NFATC1: variants seen among roughly 807,000 people sequenced by gnomAD.
NFATC1 encodes the protein nuclear factor of activated T cells 1.
A neutral mutation model predicts 76.0 loss-of-function variants in NFATC1; 22 were observed. The ratio of observed to expected loss-of-function variants is 0.29; its 90% confidence interval spans 0.21 to 0.41. NFATC1 has a LOEUF of 0.41. NFATC1 is among the 10% of genes least tolerant of loss of function. The pLI, the probability that NFATC1 is intolerant of heterozygous loss-of-function variation, is 1.00. For missense variants in NFATC1, 1,357 were observed against 1,337.7 expected, an observed-to-expected ratio of 1.01 and a Z score of -0.23; for synonymous variants, 704 against 613.1, an observed-to-expected ratio of 1.15 and a Z score of -2.19.
rs549019780 is a variant in NFATC1 at position 79,413,950 on chromosome 18, A to G, written c.1226+2449A>G. On this transcript the variant is annotated intron_variant, in intron 2 of 9. Transcript: ENST00000427363. Reference sequence around the variant, plus strand: ...CCCAGTTAGGTGTGATGCCTGTAACATTTCTGAGTGTTCACACAAACAAAG... The same window carrying G: ...CCCAGTTAGGTGTGATGCCTGTAACGTTTCTGAGTGTTCACACAAACAAAG... Among the ~76,000 whole-genome samples the G allele has an allele frequency of 8.5e-5, 13 of 152,288 alleles. 1 individual carries two copies. In the East Asian group the frequency reaches 2.5e-3, roughly 29 times the overall value.
At chr18:79,493,894 G>C (rs1037059399) in intron 9 of NFATC1, 1 of 152,242 alleles carries the variant, frequency 6.6e-6, no homozygotes, top group Non-Finnish European at 1.5e-5. Flanking sequence ...CACGCCACCC[G>C]GAGACGGAGC....
rs192876726 is a variant in NFATC1, at chr18:79,470,092, G to A, written c.2092+2510G>A. The A allele has an allele frequency of 7.7e-5, 62 of 802,636 alleles. No homozygotes were observed. The East Asian group carries it at 6.3e-3, about 82-fold the overall frequency. 49.7% of individuals were successfully genotyped at this position (802,636 alleles called of 1,614,324 possible). ...AACCCCGGCTGGGTCTGAGGACGCC[G>A]AGGCCGCTCCAGGACCTGCGTCCTC... On this transcript the variant is annotated intron_variant, in intron 8 of 9. Coordinates refer to ENST00000427363, the MANE Select transcript of NFATC1 (RefSeq NM_001278669.2).
At chr18:79,441,100 A>G (rs1417449611) in intron 3 of NFATC1, among the ~76,000 whole-genome samples, 5 of 152,218 alleles carry the variant, frequency 3.3e-5, no homozygotes, top group African/African-American at 1.2e-4. Flanking sequence ...ACGCACCATC[A>G]TACACACTTG....
chr18:79,511,891 G>A (rs1218676850), intron 9 of NFATC1, among the ~76,000 whole-genome samples: 2 of 152,092 alleles, frequency 1.3e-5, no homozygotes, highest in Non-Finnish European at 2.9e-5. Flanking sequence ...GGGCTTCTGG[G>A]GGAGGCCAGG....
intron 1 of NFATC1, among the ~76,000 whole-genome samples, chr18:79,407,671 C>T (rs893227060): frequency 6.6e-6 from 1 of 152,336 alleles, no homozygotes; most frequent in Middle Eastern, 3.4e-3. Context: ...TCTTGAACTT[C>T]TGACCTCAGA....
chr18:79,449,636 A>G (rs543050305), intron 4 of NFATC1, among the ~76,000 whole-genome samples: 14 of 152,262 alleles, frequency 9.2e-5, no homozygotes, highest in African/African-American at 3.1e-4. Context: ...TTGAGCTGGG[A>G]CGGCTGGAAC....
chr18:79,396,131 G>C lies in NFATC1; in HGVS notation c.-94G>C. The C allele has an allele frequency of 7.9e-7, 1 of 1,264,916 alleles. No individual in the cohort carries two copies. Among genetic ancestry groups the C allele is most frequent in the South Asian group, 1.9e-5 (1 of 51,678 alleles). 78.4% of individuals were successfully genotyped at this position (1,264,916 alleles called of 1,614,324 possible). A position where few individuals can be genotyped will look rare whatever the true frequency, so the allele number is the denominator to read the frequency against. On this transcript the variant is annotated 5_prime_UTR_variant, in exon 1 of 10. Transcript: ENST00000427363. ...CGCGCGGCGCTGAGCCCGGGGCGAGGGCTGTCTTCCCGGAGACCCGACCCC... is the reference window on the plus strand; with the variant it reads ...CGCGCGGCGCTGAGCCCGGGGCGAGCGCTGTCTTCCCGGAGACCCGACCCC...
At chr18:79,520,136 G>A (rs1213816804) in intron 9 of NFATC1, among the ~76,000 whole-genome samples, 1 of 151,920 alleles carries the variant, frequency 6.6e-6, no homozygotes, top group Non-Finnish European at 1.5e-5. Context: ...TCTGCAGGGG[G>A]AAACTTGACG....
intron 2 of NFATC1, among the ~76,000 whole-genome samples, chr18:79,432,275 G>A (rs1301472285): frequency 7.0e-6 from 1 of 142,864 alleles, no homozygotes; most frequent in Non-Finnish European, 1.5e-5. Context: ...CACAGGCCCT[G>A]TGTGGAGGGT....
chr18:79,418,395 C>T (rs2085951508), intron 2 of NFATC1, among the ~76,000 whole-genome samples: 1 of 152,210 alleles, frequency 6.6e-6, no homozygotes, highest in South Asian at 2.1e-4. Flanking sequence ...CTCCAGACTC[C>T]ACCGGTGCTG....
chr18:79,461,207 C>T (rs2304738), intron 6 of NFATC1, 104 bp from the exon 7 acceptor site: 32 of 1,349,154 alleles, frequency 2.4e-5, no homozygotes, highest in Admixed American at 3.6e-5. Context: ...TGGGACAAGG[C>T]GCCCTCCTGG....
intron 2 of NFATC1, chr18:79,422,356 C>T (rs954647501): frequency 4.6e-5 from 7 of 152,248 alleles, no homozygotes; most frequent in African/African-American, 1.7e-4. Flanking sequence ...GACAGATGGG[C>T]CCTGACCCTG....
intron 1 of NFATC1, 76 bp downstream of exon 1, chr18:79,396,427 C>A: frequency 1.0e-6 from 1 of 996,146 alleles, no homozygotes; most frequent in Non-Finnish European, 1.3e-6. Context: ...ACCCCGCCCC[C>A]GTCGCCCGCA....
chr18:79,410,792 C>A lies in NFATC1; in HGVS notation c.517C>A (p.Pro173Thr). ...EAYRDPSCLS[P>T]ASSLSSRSCN... The stretch of plus-strand genomic sequence containing the variant: ...CTACAGAGACCCCTCGTGCCTGAGC[C>A]CGGCCAGCAGCCTGTCCTCCCGGAG... The change falls in exon 2 of 10, where the codon CCG (proline) becomes ACG (threonine). Residue 173 changes from proline to threonine, a missense_variant. Around this residue, in one of 3 missense-constraint regions of NFATC1, gnomAD observed 691 missense variants for 613.1 expected, o/e 1.13. Transcript: ENST00000427363. This position sits in a 1 kb window ranked among gnomAD's most constrained non-coding sequence, Gnocchi z 6.7. The A allele has an allele frequency of 6.2e-7, 1 of 1,612,782 alleles. No homozygotes were observed. The highest frequency in any genetic ancestry group is 8.5e-7 in the Non-Finnish European group (1 of 1,179,892).
At chr18:79,412,237 C>A (rs1245693075) in intron 2 of NFATC1, among the ~76,000 whole-genome samples, 2 of 152,208 alleles carry the variant, frequency 1.3e-5, no homozygotes, top group Non-Finnish European at 2.9e-5. Flanking sequence ...AAACAGCTTT[C>A]CCAGCTGGTG....
At chr18:79,462,267 C>G (rs934252532) in intron 7 of NFATC1, among the ~76,000 whole-genome samples, 2 of 152,170 alleles carry the variant, frequency 1.3e-5, no homozygotes, top group Non-Finnish European at 1.5e-5. Flanking sequence ...TGGGTGGTGT[C>G]TTGGATCCTC....
At chr18:79,411,695 T>C (rs1219854201) in intron 2 of NFATC1, among the ~76,000 whole-genome samples, 194 bp downstream of exon 2, 2 of 152,156 alleles carry the variant, frequency 1.3e-5, no homozygotes, top group Admixed American at 1.3e-4. Flanking sequence ...CATGCAGACT[T>C]TTCCTTGTGC....
chr18:79,398,424 T>G (rs1380280379), intron 1 of NFATC1, among the ~76,000 whole-genome samples: 5 of 152,254 alleles, frequency 3.3e-5, no homozygotes, highest in Admixed American at 3.3e-4. Flanking sequence ...TCTGGGAGGA[T>G]GCGTCCAAGC....
At chr18:79,448,621 C>A (rs754389527) in intron 3 of NFATC1, 161 bp from the exon 4 acceptor site, 24 of 701,900 alleles carry the variant, frequency 3.4e-5, no homozygotes, top group Non-Finnish European at 5.5e-5. Context: ...ATTTTCTAAT[C>A]TGATTTACAA....
Sources: gnomAD v4.1 joint callset for allele counts (sites outside exome capture counted in the v4.1 genomes callset) on GRCh38, gnomAD v4.1.1 for gene constraint, gnomAD v4.1.1 regional missense constraint, Gnocchi (gnomAD v3.1) non-coding constraint, MANE v1.5 for transcripts, NCBI Gene and HGNC (gene_info 2026-07-23, HGNC 2026-07-21) for gene names.